The following CUL5 variants were observed in gnomAD, a reference collection of about 807,000 sequenced individuals.
CUL5 encodes cullin-5.
In CUL5, 26 loss-of-function variants were observed where a neutral mutation model predicts 108.8. The observed-to-expected ratio is 0.24, with a 90% CI of 0.18 to 0.33. CUL5 has a LOEUF of 0.33. CUL5 is among the 10% of genes least tolerant of loss of function. The probability of loss-of-function intolerance (pLI) is 1.00; values close to 1 mark genes in which losing one functional copy is unlikely to be tolerated. For missense variants in CUL5, 524 were observed against 909.2 expected (o/e 0.58, Z 5.45); for synonymous variants, 334 against 298.0 (o/e 1.12, Z -1.25).
At chr11:108,009,885 T>A (rs1442036961) in intron 1 of CUL5, among the ~76,000 whole-genome samples, 1 of 152,082 alleles carries the variant, frequency 6.6e-6, no homozygotes, top group African/African-American at 2.4e-5. Context: ...TCCTCCCTTT[T>A]CTGCGTGTTA....
intron 11 of CUL5, among the ~76,000 whole-genome samples, chr11:108,082,731 G>C (rs1208528837): frequency 1.3e-5 from 2 of 151,510 alleles, no homozygotes; most frequent in South Asian, 4.2e-4. Flanking sequence ...TGCAGCCTTC[G>C]CCTCCTGGGC....
intron 1 of CUL5, among the ~76,000 whole-genome samples, chr11:108,032,065 T>C (rs1319442577): frequency 6.6e-6 from 1 of 152,142 alleles, no homozygotes; most frequent in African/African-American, 2.4e-5. Context: ...AAATAACTAA[T>C]TGCTTAATCC....
chr11:108,068,468 CTTTA>C (rs958035739), intron 7 of CUL5, among the ~76,000 whole-genome samples: 3 of 151,910 alleles, frequency 2.0e-5, no homozygotes, highest in Admixed American at 6.6e-5. Context: ...ACAGAAAATT[CTTTA>C]TTCGGAAAAT....
At chr11:108,075,930 T>G (rs576461284) in intron 10 of CUL5, among the ~76,000 whole-genome samples, 21 of 152,310 alleles carry the variant, frequency 1.4e-4, no homozygotes, top group African/African-American at 4.6e-4. Context: ...TCTGACATAG[T>G]TACTCATTTT....
intron 4 of CUL5, 149 bp downstream of exon 4, chr11:108,050,215 ATTC>A (rs1863177603): frequency 3.3e-6 from 2 of 599,296 alleles, no homozygotes; most frequent in South Asian, 5.1e-5. Flanking sequence ...ATTGAATAAT[ATTC>A]TTTTTTGTCT....
At position 108,033,784 on chromosome 11, in the gene CUL5, A is replaced by G; in HGVS notation, c.25-18A>G. On this transcript the variant is annotated intron_variant, in intron 1 of 18. Transcript: ENST00000393094. ...CTGCATTTAAATTAAACTCCCTTTT[A>G]TCTTTTTTTTTTTCAAGAATAAAGG... is the stretch of plus-strand genomic sequence containing the variant. 1.4e-6 allele frequency: 2 copies of G among 1,441,646 alleles called. No individual in the cohort carries two copies. Among genetic ancestry groups the G allele is most frequent in the Non-Finnish European group, 1.9e-6 (2 of 1,043,720 alleles). 89.3% of individuals were successfully genotyped at this position (1,441,646 alleles called of 1,614,324 possible).
intron 1 of CUL5, among the ~76,000 whole-genome samples, chr11:108,028,950 C>A (rs1862513798): frequency 1.3e-5 from 2 of 152,234 alleles, no homozygotes; most frequent in South Asian, 4.1e-4. Flanking sequence ...AGATCCAGCT[C>A]AGTAAGATCC....
intron 16 of CUL5, among the ~76,000 whole-genome samples, chr11:108,096,805 AT>A (rs2135242238): frequency 6.6e-6 from 1 of 151,968 alleles, no homozygotes; most frequent in East Asian, 1.9e-4. Flanking sequence ...ACCTCAGGTA[AT>A]TTGCCCGCCT....
In CUL5 at chr11:108,054,702, G is replaced by A. The variant is rs1863328575; in HGVS notation, c.609G>A (p.Glu203=). 6.2e-7 allele frequency: 1 copy of A among 1,608,710 alleles called. No individual in the cohort carries two copies. The highest frequency in any genetic ancestry group is 8.5e-7 in the Non-Finnish European group (1 of 1,176,012). The change falls in exon 6 of 19, where the codon GAG becomes GAA. Residue 203 remains glutamate, a synonymous_variant. Coordinates refer to ENST00000393094, the MANE Select transcript of CUL5 (RefSeq NM_003478.6). ...TTCAAATTTATAGGGACAATTTTGAGAAGGCATACTTGGATTCAACAGAGA... is the reference window on the plus strand; with the variant it reads ...TTCAAATTTATAGGGACAATTTTGAAAAGGCATACTTGGATTCAACAGAGA... ...DKLQIYRDNF[E]KAYLDSTERF...
At position 108,106,772 on chromosome 11, in the gene CUL5, A is replaced by G. The variant is rs1301860081; in HGVS notation, c.*2388A>G. 6.6e-6 allele frequency: 1 copy of G among 151,280 alleles called. No individual in the cohort carries two copies. Among genetic ancestry groups the G allele is most frequent in the Non-Finnish European group, 1.5e-5 (1 of 67,792 alleles). 9.4% of individuals were successfully genotyped at this position (151,280 alleles called of 1,614,324 possible). ...GGTCTCTTCTCTCCAGCGTACACTTAAAATTGGTGCCGAGCAGGGATATAA... is the reference window on the plus strand; with the variant it reads ...GGTCTCTTCTCTCCAGCGTACACTTGAAATTGGTGCCGAGCAGGGATATAA... On this transcript the variant is annotated 3_prime_UTR_variant, in exon 19 of 19. Coordinates refer to ENST00000393094, the MANE Select transcript of CUL5 (RefSeq NM_003478.6).
At chr11:108,065,501 T>C (rs1204325996) in intron 7 of CUL5, among the ~76,000 whole-genome samples, 1 of 152,162 alleles carries the variant, frequency 6.6e-6, no homozygotes, top group Non-Finnish European at 1.5e-5. Flanking sequence ...CCCCTCTGTC[T>C]AGGGCTGGTC....
At position 108,046,359 on chromosome 11, in the gene CUL5, A is replaced by G. The variant is rs1565244354; in HGVS notation, c.224A>G (p.Gln75Arg). Residue 75 changes from glutamine to arginine, a missense_variant, in exon 3 of 19, where the codon CAA becomes CGA. By Grantham distance (43) the Gln-to-Arg change is conservative. Transcript: ENST00000393094. ...GAAGATATTCTTGAGTTTATTAAGC[A>G]AGCACAGGCAGTAAGTTCTACATGC... ...LKEDILEFIK[Q>R]AQARVLSHQD... is the part of the protein sequence containing the mutation. 2 of 1,600,594 alleles carry G rather than the reference A, an allele frequency of 1.2e-6. No homozygotes were observed. Among genetic ancestry groups the G allele is most frequent in the Non-Finnish European group, 1.7e-6 (2 of 1,168,550 alleles).
intron 2 of CUL5, among the ~76,000 whole-genome samples, chr11:108,039,812 A>G (rs1440887209): frequency 6.6e-6 from 1 of 152,194 alleles, no homozygotes; most frequent in Non-Finnish European, 1.5e-5. Context: ...TGTTGCTTCT[A>G]TAACTTTATC....
chr11:108,048,728 G>A (rs1033051402), intron 3 of CUL5, among the ~76,000 whole-genome samples: 9 of 139,706 alleles, frequency 6.4e-5, no homozygotes, highest in Middle Eastern at 8.8e-3. Flanking sequence ...GTGCAGTAGC[G>A]CGATCTCGGC....
intron 5 of CUL5, among the ~76,000 whole-genome samples, chr11:108,053,207 G>T (rs1428356011): frequency 6.6e-6 from 1 of 152,188 alleles, no homozygotes; most frequent in Non-Finnish European, 1.5e-5. Context: ...CTTAGAGTAT[G>T]CTTCTTCCCC....
intron 2 of CUL5, among the ~76,000 whole-genome samples, chr11:108,035,470 C>T (rs1273013419): frequency 3.3e-5 from 5 of 151,998 alleles, no homozygotes; most frequent in Non-Finnish European, 5.9e-5. Context: ...GACAAAGTGG[C>T]TTACGCCTGT....
Position 108,083,082 on chromosome 11 carries a change from G to T in CUL5, c.1178+4842G>T, listed in dbSNP as rs535945997. On this transcript the variant is annotated intron_variant, in intron 11 of 18. Transcript: ENST00000393094. Reference sequence around the variant, plus strand: ...CTTTTACTTCTTCCTTTCCAGTTTGGTTCTATTTTCTTTTCTCTGACTAAT... The same window carrying T: ...CTTTTACTTCTTCCTTTCCAGTTTGTTTCTATTTTCTTTTCTCTGACTAAT... 7.9e-5 allele frequency among the ~76,000 whole-genome samples: 12 copies of T among 152,146 alleles called. No individual in the cohort carries two copies. The East Asian group carries it at 1.9e-3, about 24-fold the overall frequency.
chr11:108,080,284 T>A (rs1042039805), intron 11 of CUL5, among the ~76,000 whole-genome samples: 8 of 151,942 alleles, frequency 5.3e-5, no homozygotes, highest in African/African-American at 1.9e-4. Context: ...AGATGAGGTC[T>A]TGCTGCGTTG....
intron 4 of CUL5, among the ~76,000 whole-genome samples, chr11:108,050,333 G>C (rs1440320224): frequency 3.3e-5 from 5 of 149,566 alleles, no homozygotes; most frequent in Admixed American, 2.0e-4. Context: ...CCTTCTCCTG[G>C]TATTCAGTAT....
Sources: allele counts gnomAD v4.1 joint callset (sites outside exome capture counted in the v4.1 genomes callset), GRCh38; gene constraint gnomAD v4.1.1; transcripts MANE v1.5; gene names NCBI Gene and HGNC (gene_info 2026-07-23, HGNC 2026-07-21).